ADGRE2: variants seen among roughly 807,000 people sequenced by gnomAD.
The protein encoded by ADGRE2 is adhesion G protein-coupled receptor E2.
Under a neutral mutation model 100.8 loss-of-function variants are expected in ADGRE2, and 83 were observed. The ratio of observed to expected loss-of-function variants is 0.82; its 90% CI spans 0.69 to 0.99. ADGRE2 has a LOEUF of 0.99. Ranked by LOEUF, ADGRE2 falls within the 50% of genes least tolerant of loss-of-function variation. The probability of loss-of-function intolerance (pLI) is 0.00; values close to 1 mark genes in which losing one functional copy is unlikely to be tolerated. For synonymous variants in ADGRE2, 355 were observed against 413.0 expected (o/e 0.86, Z 1.70); for missense variants, 814 against 1,035.7 (o/e 0.79, Z 2.94).
intron 2 of ADGRE2, among the ~76,000 whole-genome samples, chr19:14,774,579 G>T (rs1470991614): frequency 1.3e-5 from 2 of 151,350 alleles, no homozygotes; most frequent in East Asian, 2.0e-4. Flanking sequence ...TGCGATTATA[G>T]CTCACTGCAG....
Position 14,767,320 on chromosome 19 carries a change from C to G in ADGRE2, c.356-211G>C, listed in dbSNP as rs140599119. On this transcript the variant is annotated intron_variant, in intron 5 of 20. Transcript: ENST00000315576. ...ATTGCCTGATCTCAACTCACTGCAA[C>G]CTCCGCCTCCCGGGTTCACGCCATT... Among the ~76,000 whole-genome samples the G allele has an allele frequency of 5.7e-3, 872 of 151,794 alleles. 5 individuals are homozygous for G. The highest frequency in any genetic ancestry group is 0.021 in the Middle Eastern group (6 of 292).
intron 11 of ADGRE2, among the ~76,000 whole-genome samples, chr19:14,759,067 T>C (rs755533620): frequency 6.6e-6 from 1 of 152,050 alleles, no homozygotes; most frequent in Non-Finnish European, 1.5e-5. Context: ...ACATACAGCA[T>C]GAAGAAACTG....
Position 14,764,550 on chromosome 19 carries a change from G to A in ADGRE2, c.967C>T (p.Arg323Cys), listed in dbSNP as rs200037098. ...CTGGCCACACAGTGCTGCTGTAAGCGGGGCAGGGTCTCCAGGTCCCCAGGG... is the reference window on the plus strand; with the variant it reads ...CTGGCCACACAGTGCTGCTGTAAGCAGGGCAGGGTCTCCAGGTCCCCAGGG... ...EAPGDLETLPRLQQHCVASHL... is the reference protein window; with the variant it reads ...EAPGDLETLPCLQQHCVASHL... The change falls in exon 11 of 21, where the codon CGC becomes TGC. Residue 323 changes from arginine (R) to cysteine (C), a missense_variant. Physicochemically the swap from Arg to Cys is radical, Grantham distance 180 (BLOSUM62 -3). This residue lies in a region of ADGRE2 where 569 missense variants were observed against 692.7 expected (regional missense o/e 0.82). Transcript: ENST00000315576. The A allele has an allele frequency of 3.5e-4, 563 of 1,612,810 alleles. 1 individual carries two copies. Among genetic ancestry groups the A allele is most frequent in the Non-Finnish European group, 4.4e-4 (521 of 1,179,938 alleles).
Position 14,746,254 on chromosome 19 carries a change from C to T in ADGRE2, c.2161G>A (p.Val721Met), listed in dbSNP as rs2043082991. 6.2e-7 allele frequency: 1 copy of T among 1,606,690 alleles called. No individual in the cohort carries two copies. Among genetic ancestry groups the T allele is most frequent in the African/African-American group, 1.3e-5 (1 of 74,494 alleles). ...KNRLSSLNSE[V>M]STLRNTRMLA... ...TACCTTGTGTTCCGGAGGGTGGACACTTCACTATTGAGGGAGGAGAGTCTG... is the reference window on the plus strand; with the variant it reads ...TACCTTGTGTTCCGGAGGGTGGACATTTCACTATTGAGGGAGGAGAGTCTG... The change falls in exon 18 of 21, where the codon GTG becomes ATG. Residue 721 changes from valine (V) to methionine (M), a missense_variant. Physicochemically the swap from Val to Met is conservative, Grantham distance 21. This residue lies in a region of ADGRE2 where 569 missense variants were observed against 692.7 expected (regional missense o/e 0.82). Transcript: ENST00000315576.
At chr19:14,744,900 T>C (rs2043040482) in intron 18 of ADGRE2, among the ~76,000 whole-genome samples, 3 of 150,016 alleles carry the variant, frequency 2.0e-5, no homozygotes, top group Admixed American at 6.6e-5. Context: ...CTTTGCACTT[T>C]TTTTTTTGAG....
chr19:14,731,078 C>T (rs1318077309), downstream of ADGRE2: 34 of 1,052,576 alleles, frequency 3.2e-5, no homozygotes, highest in Middle Eastern at 2.0e-4. Flanking sequence ...TCTCAAGCAC[C>T]GCCCCTCCTG....
Position 14,743,681 on chromosome 19 carries a change from A to C in ADGRE2, c.2287T>G (p.Phe763Val), listed in dbSNP as rs753968524. The C allele has an allele frequency of 3.5e-5, 56 of 1,614,068 alleles. No individual in the cohort carries two copies. The highest frequency in any genetic ancestry group is 4.7e-5 in the Non-Finnish European group (56 of 1,180,026). The change falls in exon 19 of 21, where the codon TTC becomes GTC. Residue 763 changes from phenylalanine to valine, a missense_variant. This residue lies in a region of ADGRE2 where 569 missense variants were observed against 692.7 expected (regional missense o/e 0.82). Transcript: ENST00000315576. The stretch of plus-strand genomic sequence containing the variant: ...CCCTGCAGGCTGTTGATGATGGTGA[A>C]GAGGTAGGCCATGACCCGGGCAGCC... ...GPAARVMAYL[F>V]TIINSLQGVF...
At position 14,774,409 on chromosome 19, in the gene ADGRE2, C is replaced by T. The variant is rs1303574833; in HGVS notation, c.32-103G>A. ...GAGGAGGATGCTGACCCCTCTCAGG[C>T]TCAGATCCTGCCCATCGTTCAAACA... On this transcript the variant is annotated intron_variant, in intron 2 of 20. Coordinates refer to ENST00000315576, the MANE Select transcript of ADGRE2 (RefSeq NM_013447.4). 66 of 1,517,724 alleles carry T rather than the reference C, an allele frequency of 4.3e-5. 2 individuals carry two copies. In the South Asian group the frequency reaches 7.9e-4, roughly 18 times the overall value. The allele number at this position is 1,517,724 out of a possible 1,614,324, so 94.0% of individuals were successfully genotyped here.
chr19:14,768,104 A>G (rs1037712118), intron 5 of ADGRE2, among the ~76,000 whole-genome samples: 4 of 152,186 alleles, frequency 2.6e-5, no homozygotes, highest in African/African-American at 9.7e-5. Context: ...TTTCCCCAGG[A>G]CAGCTGCTCA....
the ADGRE2 span, among the ~76,000 whole-genome samples, chr19:14,724,430 G>A: frequency 6.6e-6 from 1 of 152,166 alleles, no homozygotes; most frequent in African/African-American, 2.4e-5. Flanking sequence ...ACGAGGATGG[G>A]TCACACTTGG....
chr19:14,741,236 AT>A (rs2042920798), intron 20 of ADGRE2, among the ~76,000 whole-genome samples: 1 of 151,486 alleles, frequency 6.6e-6, no homozygotes, highest in African/African-American at 2.4e-5. Context: ...AGCTGGGATT[AT>A]AGGTGTGCAC....
intron 20 of ADGRE2, among the ~76,000 whole-genome samples, chr19:14,736,835 A>C (rs2147076051): frequency 6.9e-6 from 1 of 145,586 alleles, no homozygotes; most frequent in East Asian, 2.0e-4. Flanking sequence ...TAGATATTTA[A>C]TATCTATATA....
intron 11 of ADGRE2, among the ~76,000 whole-genome samples, chr19:14,756,942 C>T (rs1291110730): frequency 6.6e-6 from 1 of 150,938 alleles, no homozygotes; most frequent in Non-Finnish European, 1.5e-5. Flanking sequence ...CAAATTCTCA[C>T]CTGTTGGTCA....
At chr19:14,763,985 CCTTT>C (rs2043852237) in intron 11 of ADGRE2, among the ~76,000 whole-genome samples, 1 of 150,506 alleles carries the variant, frequency 6.6e-6, no homozygotes, top group South Asian at 2.1e-4. Context: ...CCCTCTTCCT[CCTTT>C]TTCTTCCTCT....
rs911132977 is a variant in ADGRE2 at position 14,766,501 on chromosome 19, C to A, written c.488-120G>T. Reference sequence around the variant, plus strand: ...AGACTGAAGACCATTATTGCACGTGCCACCACTTGGTGACCTTCAACTTCA... The same window carrying A: ...AGACTGAAGACCATTATTGCACGTGACACCACTTGGTGACCTTCAACTTCA... On this transcript the variant is annotated intron_variant, in intron 6 of 20. Coordinates refer to ENST00000315576, the MANE Select transcript of ADGRE2 (RefSeq NM_013447.4). 2.5e-5 allele frequency: 33 copies of A among 1,298,322 alleles called. No individual in the cohort carries two copies. In the Admixed American group the frequency reaches 3.0e-4, roughly 12 times the overall value. The allele number at this position is 1,298,322 out of a possible 1,614,324, so 80.4% of individuals were successfully genotyped here.
chr19:14,769,900 A>G (rs759372711), intron 5 of ADGRE2, among the ~76,000 whole-genome samples: 14 of 152,028 alleles, frequency 9.2e-5, no homozygotes, highest in East Asian at 1.9e-4. Context: ...GGGTTTCACC[A>G]TGTTAGCCAG....
In ADGRE2 at chr19:14,751,393, G is replaced by A. The variant is rs3752186; in HGVS notation, c.2024+43C>T. ...CTATCTAGGTTCTAGCAATGGCCAT[G>A]GTTATGCCGGAGAAGATAAGGATTG... On this transcript the variant is annotated intron_variant, in intron 16 of 20. Transcript: ENST00000315576. The A allele has an allele frequency of 4.3e-3, 6,334 of 1,462,638 alleles. 344 individuals are homozygous for A. The East Asian group carries it at 0.12, about 27-fold the overall frequency. 90.6% of individuals were successfully genotyped at this position (1,462,638 alleles called of 1,614,324 possible). A position where few individuals can be genotyped will look rare whatever the true frequency, so the allele number is the denominator to read the frequency against.
At chr19:14,729,259 G>A (rs1364332319), downstream of ADGRE2, among the ~76,000 whole-genome samples, 1 of 152,166 alleles carries the variant, frequency 6.6e-6, no homozygotes, top group East Asian at 1.9e-4. Flanking sequence ...ATTCTTTGCT[G>A]TAGGAACTGC....
At chr19:14,746,376 T>C in intron 17 of ADGRE2, 53 bp from the exon 18 acceptor site, 2 of 267,782 alleles carry the variant, frequency 7.5e-6, no homozygotes, top group Non-Finnish European at 1.2e-5. Context: ...CTGTTATCTC[T>C]TTTTTTTTTT....
Sources: gnomAD v4.1 joint callset for allele counts (sites outside exome capture counted in the v4.1 genomes callset) on GRCh38, gnomAD v4.1.1 for gene constraint, gnomAD v4.1.1 regional missense constraint, MANE v1.5 for transcripts, NCBI Gene and HGNC (gene_info 2026-07-23, HGNC 2026-07-21) for gene names.